Variants in SNTG1 observed in about 807,000 individuals in gnomAD.
The protein encoded by SNTG1 is gamma-1-syntrophin.
A neutral mutation model predicts 74.7 loss-of-function variants in SNTG1; 39 were observed. That is an observed-to-expected ratio of 0.52 (90% CI 0.40 to 0.68). The LOEUF (loss-of-function observed/expected upper bound fraction) is 0.68, where lower values mean the gene tolerates loss of function less well. Ranked by LOEUF, SNTG1 falls within the 30% of genes least tolerant of loss-of-function variation. The pLI is 0.00. For synonymous variants in SNTG1, 254 were observed against 217.1 expected (o/e 1.17, Z -1.49); for missense variants, 685 against 609.5 (o/e 1.12, Z -1.30).
intron 2 of SNTG1, among the ~76,000 whole-genome samples, chr8:50,264,979 C>A (rs115420994): frequency 6.6e-6 from 1 of 151,838 alleles, no homozygotes; most frequent in African/African-American, 2.4e-5. Context: ...AGAGTTGAAC[C>A]AATAATTTTA....
intron 15 of SNTG1, among the ~76,000 whole-genome samples, chr8:50,677,939 G>T (rs1478901334): frequency 6.6e-6 from 1 of 151,760 alleles, no homozygotes; most frequent in African/African-American, 2.4e-5. Context: ...GAGAACACAT[G>T]AACAAAGGGA....
At chr8:50,515,769 C>A (rs2094128163) in intron 9 of SNTG1, among the ~76,000 whole-genome samples, 1 of 152,036 alleles carries the variant, frequency 6.6e-6, no homozygotes, top group Non-Finnish European at 1.5e-5. Context: ...CCTCTTTGAG[C>A]AGGGCATCTC....
intron 15 of SNTG1, among the ~76,000 whole-genome samples, chr8:50,695,293 T>G (rs1459924984): frequency 6.6e-6 from 1 of 151,872 alleles, no homozygotes; most frequent in Non-Finnish European, 1.5e-5. Context: ...TAGTAGTGTT[T>G]CTTTACATTA....
chr8:50,531,870 T>C (rs1227927195), intron 10 of SNTG1, among the ~76,000 whole-genome samples: 3 of 152,156 alleles, frequency 2.0e-5, no homozygotes, highest in African/African-American at 7.2e-5. Flanking sequence ...AACTCCTGTA[T>C]AATAAGCAGA....
chr8:50,004,558 T>C (rs1263970329), intron 1 of SNTG1, among the ~76,000 whole-genome samples: 1 of 152,124 alleles, frequency 6.6e-6, no homozygotes, highest in Non-Finnish European at 1.5e-5. Context: ...CCATTTTACT[T>C]TTGGTAAGGC....
upstream of SNTG1, among the ~76,000 whole-genome samples, chr8:49,910,707 A>AG (rs1409011528): frequency 2.0e-5 from 3 of 152,118 alleles, no homozygotes; most frequent in African/African-American, 7.2e-5. Context: ...ATTCCGGAGT[A>AG]GGGAGGCGAG....
At chr8:50,461,489 T>C (rs925178788) in intron 8 of SNTG1, among the ~76,000 whole-genome samples, 6 of 152,256 alleles carry the variant, frequency 3.9e-5, no homozygotes, top group South Asian at 4.1e-4. Flanking sequence ...TTATTTAGAA[T>C]TCTGTTAACA....
chr8:50,295,430 TA>T (rs2089316018), intron 2 of SNTG1, among the ~76,000 whole-genome samples: 2 of 152,196 alleles, frequency 1.3e-5, no homozygotes, highest in South Asian at 2.1e-4. Flanking sequence ...TTTTCTCCTT[TA>T]AAAAGATAGG....
intron 12 of SNTG1, among the ~76,000 whole-genome samples, chr8:50,563,531 A>G (rs2094499636): frequency 6.6e-6 from 1 of 152,150 alleles, no homozygotes; most frequent in African/African-American, 2.4e-5. Flanking sequence ...CCTTTTGTCC[A>G]TCATAAATCT....
chr8:50,124,592 C>A (rs1425627732), intron 1 of SNTG1, among the ~76,000 whole-genome samples: 2 of 142,156 alleles, frequency 1.4e-5, no homozygotes, highest in African/African-American at 5.1e-5. Context: ...GTCCTAATTG[C>A]ATGATTGAAA....
At chr8:49,914,088 T>C (rs555464108) in intron 1 of SNTG1, among the ~76,000 whole-genome samples, 282 of 152,266 alleles carry the variant, frequency 1.9e-3, no homozygotes, top group African/African-American at 6.5e-3. Flanking sequence ...TGTCCTTACA[T>C]TGAGATAGAG....
chr8:50,213,155 C>T (rs1315103910), intron 2 of SNTG1, among the ~76,000 whole-genome samples: 1 of 152,170 alleles, frequency 6.6e-6, no homozygotes, highest in Non-Finnish European at 1.5e-5. Context: ...CTTGCTTGTG[C>T]ATAGGCGGTG....
intron 13 of SNTG1, among the ~76,000 whole-genome samples, chr8:50,642,485 A>G (rs901420824): frequency 1.3e-5 from 2 of 152,156 alleles, no homozygotes; most frequent in African/African-American, 4.8e-5. Context: ...GGCACATTCC[A>G]TTTTATCTCA....
intron 4 of SNTG1, among the ~76,000 whole-genome samples, chr8:50,415,525 A>G (rs930996726): frequency 2.0e-5 from 3 of 152,148 alleles, no homozygotes; most frequent in Non-Finnish European, 2.9e-5. Flanking sequence ...TTTGTCAACA[A>G]TATATTTGAA....
intron 1 of SNTG1, among the ~76,000 whole-genome samples, chr8:49,974,309 A>G (rs1031973431): frequency 2.0e-5 from 3 of 152,190 alleles, no homozygotes; most frequent in African/African-American, 7.2e-5. Context: ...ATACCTTCCT[A>G]GCCCTCCATG....
In SNTG1 at chr8:50,594,377, T is replaced by C. The variant is rs570131981; in HGVS notation, c.849+3460T>C. Among the ~76,000 whole-genome samples, 5 of 152,286 alleles carry C rather than the reference T, an allele frequency of 3.3e-5. No individual in the cohort carries two copies. The South Asian group carries it at 1.0e-3, about 32-fold the overall frequency. Reference sequence around the variant, plus strand: ...CTTCTATAATTACCTGGGAGTAACATTATAAAGTATTAATTTGTCATTAAA... The same window carrying C: ...CTTCTATAATTACCTGGGAGTAACACTATAAAGTATTAATTTGTCATTAAA... On this transcript the variant is annotated intron_variant, in intron 13 of 18. Coordinates refer to ENST00000642720, the MANE Select transcript of SNTG1 (RefSeq NM_018967.5).
intron 1 of SNTG1, among the ~76,000 whole-genome samples, chr8:49,976,700 C>A (rs946219347): frequency 6.6e-6 from 1 of 152,116 alleles, no homozygotes; most frequent in African/African-American, 2.4e-5. Flanking sequence ...AGCGGAGGCG[C>A]CCAGGTAGGA....
intron 2 of SNTG1, among the ~76,000 whole-genome samples, chr8:50,356,729 C>G (rs1349779509): frequency 6.6e-6 from 1 of 152,128 alleles, no homozygotes; most frequent in Non-Finnish European, 1.5e-5. Flanking sequence ...CTAATTACCT[C>G]TTAAAGGCCC....
At chr8:50,167,202 G>C (rs1227673354) in intron 1 of SNTG1, among the ~76,000 whole-genome samples, 1 of 146,288 alleles carries the variant, frequency 6.8e-6, no homozygotes, top group East Asian at 2.0e-4. Flanking sequence ...CAGCACACCA[G>C]CATGGCACAT....
Sources: allele counts gnomAD v4.1 joint callset (sites outside exome capture counted in the v4.1 genomes callset), GRCh38; gene constraint gnomAD v4.1.1; transcripts MANE v1.5; gene names NCBI Gene and HGNC (gene_info 2026-07-23, HGNC 2026-07-21).